Variants in ZNF436 observed in about 807,000 individuals in gnomAD.
The protein encoded by ZNF436 is zinc finger protein 436.
In ZNF436, 22 loss-of-function variants were observed where a neutral mutation model predicts 41.9. The ratio of observed to expected loss-of-function variants is 0.53; its 90% confidence interval spans 0.38 to 0.75. ZNF436 has a LOEUF of 0.75. Ranked by LOEUF, ZNF436 falls within the 30% of genes least tolerant of loss-of-function variation. The probability of loss-of-function intolerance (pLI) is 0.00; values close to 1 mark genes in which losing one functional copy is unlikely to be tolerated. For synonymous variants in ZNF436, 217 were observed against 197.8 expected (o/e 1.10, Z -0.82); for missense variants, 506 against 587.3 (o/e 0.86, Z 1.43).
intron 1 of ZNF436, chr1:23,368,890 C>T (rs1638427962): frequency 6.5e-6 from 1 of 154,160 alleles, no homozygotes; most frequent in African/African-American, 2.4e-5. Flanking sequence ...CGCACTACAT[C>T]TCCCAACAGC....
At chr1:23,367,429 G>A (rs1638383864) in intron 2 of ZNF436, among the ~76,000 whole-genome samples, 1 of 152,174 alleles carries the variant, frequency 6.6e-6, no homozygotes, top group Admixed American at 6.5e-5. Flanking sequence ...TCTGGCACTT[G>A]CATCGCTCCA....
intron 3 of ZNF436, 144 bp from the exon 4 acceptor site, chr1:23,363,365 T>G (rs567821332): frequency 9.2e-6 from 6 of 649,846 alleles, no homozygotes; most frequent in African/African-American, 5.5e-5. Context: ...CTTGGCTCAC[T>G]GCAACCTCTG....
chr1:23,362,111 C>T lies in ZNF436; in HGVS notation c.1271G>A (p.Gly424Glu), dbSNP rs1638251109. 6.2e-7 allele frequency: 1 copy of T among 1,614,004 alleles called. No individual in the cohort carries two copies. Among genetic ancestry groups the T allele is most frequent in the Non-Finnish European group, 8.5e-7 (1 of 1,180,028 alleles). Residue 424 changes from glycine (G) to glutamate (E), a missense_variant, in exon 4 of 4, where the codon GGG becomes GAG. Physicochemically the swap from Gly to Glu is moderately conservative, Grantham distance 98. Coordinates refer to ENST00000314011, the MANE Select transcript of ZNF436 (RefSeq NM_001077195.2). ...GTTGGAGCTCTGGGTGAAACCTTTC[C>T]CACACTGCACACACTCGTAGGGCTT... The part of the protein sequence containing the change: ...GEKPYECVQC[G>E]KGFTQSSNLI...
Position 23,361,870 on chromosome 1 carries a change from G to A in ZNF436, c.*99C>T. 2 of 1,281,882 alleles carry A rather than the reference G, an allele frequency of 1.6e-6. No homozygotes were observed. The highest frequency in any genetic ancestry group is 4.7e-5 in the East Asian group (2 of 42,786). 79.4% of individuals were successfully genotyped at this position (1,281,882 alleles called of 1,614,324 possible). A position where few individuals can be genotyped will look rare whatever the true frequency, so the allele number is the denominator to read the frequency against. ...GGTTTAAATCGTGGCCCACAACTAG[G>A]AGAGTATGATAAAAGCAGCTCAGTC... On this transcript the variant is annotated 3_prime_UTR_variant, in exon 4 of 4. Coordinates refer to ENST00000314011, the MANE Select transcript of ZNF436 (RefSeq NM_001077195.2).
At position 23,362,396 on chromosome 1, in the gene ZNF436, G is replaced by A. The variant is rs1187831063; in HGVS notation, c.986C>T (p.Thr329Met). 1.4e-5 allele frequency: 22 copies of A among 1,613,992 alleles called. No homozygotes were observed. The highest frequency in any genetic ancestry group is 2.2e-5 in the East Asian group (1 of 44,864). Residue 329 changes from threonine to methionine, a missense_variant, in exon 4 of 4, where the codon ACG becomes ATG. Coordinates refer to ENST00000314011, the MANE Select transcript of ZNF436 (RefSeq NM_001077195.2). ...SDLVRHRRAH[T>M]GEKPYHCNEC... ...GTTACAGTGGTATGGCTTCTCTCCCGTGTGGGCTCTGCGATGACGCACAAG... is the reference window on the plus strand; with the variant it reads ...GTTACAGTGGTATGGCTTCTCTCCCATGTGGGCTCTGCGATGACGCACAAG...
chr1:23,362,072 T>C lies in ZNF436; in HGVS notation c.1310A>G (p.Gln437Arg). The C allele has an allele frequency of 5.0e-6, 8 of 1,614,078 alleles. No individual in the cohort carries two copies. The highest frequency in any genetic ancestry group is 6.8e-6 in the Non-Finnish European group (8 of 1,180,000). The change falls in exon 4 of 4, where the codon CAA (glutamine) becomes CGA (arginine). Residue 437 changes from glutamine to arginine, a missense_variant. Physicochemically the swap from Gln to Arg is conservative, Grantham distance 43. Transcript: ENST00000314011. Reference sequence around the variant, plus strand: ...AGGTTTCTCTCCCGTGTGAACTCTTTGATGTGTGATGAGGTTGGAGCTCTG... The same window carrying C: ...AGGTTTCTCTCCCGTGTGAACTCTTCGATGTGTGATGAGGTTGGAGCTCTG... ...FTQSSNLITH[Q>R]RVHTGEKPYE...
chr1:23,363,315 G>A lies in ZNF436; in HGVS notation c.161-94C>T, dbSNP rs1638291752. On this transcript the variant is annotated intron_variant, in intron 3 of 3. Coordinates refer to ENST00000314011, the MANE Select transcript of ZNF436 (RefSeq NM_001077195.2). ...TAAATTTTTTTTTTTTTTAGACAGA[G>A]TCTCACTGTGTTGCCTTGGCTGGAG... 7 of 986,202 alleles carry A rather than the reference G, an allele frequency of 7.1e-6. No individual in the cohort carries two copies. In the Admixed American group the frequency reaches 1.9e-4, roughly 27 times the overall value. 61.1% of individuals were successfully genotyped at this position (986,202 alleles called of 1,614,324 possible).
chr1:23,367,679 C>T (rs1183945983), intron 2 of ZNF436, among the ~76,000 whole-genome samples: 1 of 152,202 alleles, frequency 6.6e-6, no homozygotes, highest in Non-Finnish European at 1.5e-5. Flanking sequence ...CGTTGTGCCA[C>T]GCTTAAGTGG....
In ZNF436 at chr1:23,361,870, G is replaced by C; in HGVS notation, c.*99C>G. 7.8e-7 allele frequency: 1 copy of C among 1,281,882 alleles called. No homozygotes were observed. Among genetic ancestry groups the C allele is most frequent in the Non-Finnish European group, 1.1e-6 (1 of 937,754 alleles). 79.4% of individuals were successfully genotyped at this position (1,281,882 alleles called of 1,614,324 possible). On this transcript the variant is annotated 3_prime_UTR_variant, in exon 4 of 4. Coordinates refer to ENST00000314011, the MANE Select transcript of ZNF436 (RefSeq NM_001077195.2). ...GGTTTAAATCGTGGCCCACAACTAG[G>C]AGAGTATGATAAAAGCAGCTCAGTC... is the stretch of plus-strand genomic sequence containing the variant.
At position 23,363,022 on chromosome 1, in the gene ZNF436, T is replaced by C; in HGVS notation, c.360A>G (p.Gln120=). The change falls in exon 4 of 4, where the codon CAA becomes CAG. Residue 120 remains glutamine, a synonymous_variant. Coordinates refer to ENST00000314011, the MANE Select transcript of ZNF436 (RefSeq NM_001077195.2). ...TAEEWVSYPL[Q]PVTDLLVHKE... ...TGTGGACAAGTAGATCAGTGACTGG[T>C]TGGAGAGGATAGCTTACCCACTCTT... The C allele has an allele frequency of 6.2e-7, 1 of 1,614,210 alleles. No homozygotes were observed. The highest frequency in any genetic ancestry group is 1.7e-5 in the Admixed American group (1 of 60,022).
chr1:23,366,398 T>C (rs1638359563), intron 3 of ZNF436, among the ~76,000 whole-genome samples: 1 of 151,996 alleles, frequency 6.6e-6, no homozygotes, highest in African/African-American at 2.4e-5. Flanking sequence ...AGCTCAAGAA[T>C]ATACTCTTTA....
At chr1:23,363,292 A>C in intron 3 of ZNF436, 71 bp from the exon 4 acceptor site, 2 of 1,372,358 alleles carry the variant, frequency 1.5e-6, no homozygotes, top group Admixed American at 2.5e-5. Flanking sequence ...CACTATACTA[A>C]ATTTTTTTTT....
intron 1 of ZNF436, 178 bp from the exon 2 acceptor site, chr1:23,368,243 C>T (rs1272077414): frequency 7.0e-6 from 4 of 567,808 alleles, no homozygotes; most frequent in South Asian, 6.2e-5. Context: ...GGGGTGGAGG[C>T]AATGCCGGAA....
At position 23,362,597 on chromosome 1, in the gene ZNF436, C is replaced by T. The variant is rs1413079723; in HGVS notation, c.785G>A (p.Ser262Asn). Residue 262 changes from serine to asparagine, a missense_variant, in exon 4 of 4, where the codon AGC becomes AAC. Ser to Asn is a conservative substitution (Grantham distance 46). Transcript: ENST00000314011. ...CEECGKSFSR[S>N]SHLAQHQRTH... ...CCTCTGGTGCTGAGCTAGGTGAGAGCTCCGGCTGAAGCTTTTCCCACACTC... is the reference window on the plus strand; with the variant it reads ...CCTCTGGTGCTGAGCTAGGTGAGAGTTCCGGCTGAAGCTTTTCCCACACTC... 12 of 1,613,870 alleles carry T rather than the reference C, an allele frequency of 7.4e-6. No homozygotes were observed.
rs760088775 is a variant in ZNF436 at position 23,363,215 on chromosome 1, T to C, written c.167A>G (p.Glu56Gly). The change falls in exon 4 of 4, where the codon GAG becomes GGG. Residue 56 changes from glutamate (E) to glycine (G), a missense_variant. Around this residue, in one of 2 missense-constraint regions of ZNF436, gnomAD observed 228 missense variants for 215.1 expected, o/e 1.06. Transcript: ENST00000314011. ...NYGNVVSLDF[E>G]IRSENEVNPK... ...ATTTACCTCGTTCTCACTCCTGATC[T>C]CAAAATCTGTAATAAAAAGTAAACA... 6.2e-7 allele frequency: 1 copy of C among 1,608,588 alleles called. No homozygotes were observed. Among genetic ancestry groups the C allele is most frequent in the Non-Finnish European group, 8.5e-7 (1 of 1,178,128 alleles).
chr1:23,364,527 C>T (rs1287424057), intron 3 of ZNF436, among the ~76,000 whole-genome samples: 5 of 152,168 alleles, frequency 3.3e-5, no homozygotes, highest in South Asian at 2.1e-4. Flanking sequence ...CGTGAGCCAC[C>T]GTGCCTGGCC....
intron 3 of ZNF436, among the ~76,000 whole-genome samples, chr1:23,364,716 T>C (rs1260652097): frequency 6.6e-6 from 1 of 152,230 alleles, no homozygotes; most frequent in Non-Finnish European, 1.5e-5. Context: ...ATTGTCTAAG[T>C]ATATTTCACA....
At position 23,359,471 on chromosome 1, in the gene ZNF436, A is replaced by T. The variant is rs988094745; in HGVS notation, c.*2498T>A. ...GCTGACTTTAAAAATTATATTTTTA[A>T]TTATAGAATATTGTTAGAATAATAC... On this transcript the variant is annotated 3_prime_UTR_variant, in exon 4 of 4. Transcript: ENST00000314011. 5 of 152,246 alleles carry T rather than the reference A, an allele frequency of 3.3e-5. No homozygotes were observed. Among genetic ancestry groups the T allele is most frequent in the Non-Finnish European group, 7.3e-5 (5 of 68,042 alleles). 9.4% of individuals were successfully genotyped at this position (152,246 alleles called of 1,614,324 possible).
At position 23,362,659 on chromosome 1, in the gene ZNF436, T is replaced by C. The variant is rs781489637; in HGVS notation, c.723A>G (p.Gln241=). The change falls in exon 4 of 4, where the codon CAA becomes CAG. Residue 241 remains glutamine (Q), a synonymous_variant. Transcript: ENST00000314011. ...AGGGTTTCTCACCACTGTGGGTCCT[T>C]TGGTGTTGGATTAGGTGAGAGAGAC... ...FCRLSHLIQH[Q]RTHSGEKPYE... 27 of 1,613,870 alleles carry C rather than the reference T, an allele frequency of 1.7e-5. No individual in the cohort carries two copies. Among genetic ancestry groups the C allele is most frequent in the Non-Finnish European group, 2.3e-5 (27 of 1,179,950 alleles).
Sources: allele counts gnomAD v4.1 joint callset (sites outside exome capture counted in the v4.1 genomes callset), GRCh38; gene constraint gnomAD v4.1.1; regional missense constraint gnomAD v4.1.1; transcripts MANE v1.5; gene names NCBI Gene and HGNC (gene_info 2026-07-23, HGNC 2026-07-21).